Variants in UGCG observed in about 807,000 individuals in gnomAD.
The protein encoded by UGCG is ceramide glucosyltransferase.
In UGCG, 10 loss-of-function variants were observed where a neutral mutation model predicts 49.5. The observed-to-expected ratio is 0.20, with a 90% CI of 0.12 to 0.34. The LOEUF is 0.34. Among genes scored for constraint, UGCG ranks in the 10% least tolerant of loss-of-function variants. UGCG has a pLI of 1.00. For synonymous variants in UGCG, 182 were observed against 158.2 expected (o/e 1.15, Z -1.13); for missense variants, 312 against 483.7 (o/e 0.65, Z 3.33).
chr9:111,932,049 A>T, intron 7 of UGCG, 121 bp from the exon 8 acceptor site: 1 of 1,095,634 alleles, frequency 9.1e-7, no homozygotes, highest in Non-Finnish European at 1.3e-6. Flanking sequence ...AAACAAAAAA[A>T]GTTTAAAGAG....
intron 7 of UGCG, chr9:111,931,951 C>T: frequency 1.8e-6 from 1 of 541,222 alleles, no homozygotes; most frequent in Non-Finnish European, 3.3e-6. Context: ...ATCGCTTGAG[C>T]CTGGGAGATT....
rs565125565 is a variant in UGCG, at chr9:111,925,365, C to T, written c.445+487C>T. ...ATACTGAAATTATAACTTGCATTTT[C>T]GAACACTCATAATAGTTTCAGTGTT... On this transcript the variant is annotated intron_variant, in intron 4 of 8. Transcript: ENST00000374279. Among the ~76,000 whole-genome samples, 39 of 152,288 alleles carry T rather than the reference C, an allele frequency of 2.6e-4. No homozygotes were observed. In the South Asian group the frequency reaches 7.7e-3, roughly 30 times the overall value.
chr9:111,922,250 A>G (rs1221691769), intron 2 of UGCG, among the ~76,000 whole-genome samples: 5 of 152,210 alleles, frequency 3.3e-5, no homozygotes, highest in African/African-American at 4.8e-5. Context: ...GCATTTCAAG[A>G]TCGTAAATGT....
intron 1 of UGCG, among the ~76,000 whole-genome samples, chr9:111,910,542 C>T (rs1297836759): frequency 6.6e-6 from 1 of 152,030 alleles, no homozygotes; most frequent in Non-Finnish European, 1.5e-5. Context: ...TTCTGTATTA[C>T]TTGTCTTTTG....
chr9:111,898,492 A>G (rs1669617782), intron 1 of UGCG, among the ~76,000 whole-genome samples: 1 of 152,108 alleles, frequency 6.6e-6, no homozygotes, highest in Non-Finnish European at 1.5e-5. Context: ...GTACTGAGAA[A>G]GATGATGCTG....
chr9:111,932,221 A>G lies in UGCG; in HGVS notation c.876A>G (p.Pro292=). 2 of 1,614,180 alleles carry G rather than the reference A, an allele frequency of 1.2e-6. No individual in the cohort carries two copies. Among genetic ancestry groups the G allele is most frequent in the Non-Finnish European group, 1.7e-6 (2 of 1,180,020 alleles). Reference sequence around the variant, plus strand: ...TTCCTGCTACAATAATTTGTGAGCCAATTTCAGAATGCTTTGTTGCCAGTT... The same window carrying G: ...TTCCTGCTACAATAATTTGTGAGCCGATTTCAGAATGCTTTGTTGCCAGTT... ...NMLPATIICE[P]ISECFVASLI... The change falls in exon 8 of 9, where the codon CCA becomes CCG. Residue 292 remains proline, a synonymous_variant. Coordinates refer to ENST00000374279, the MANE Select transcript of UGCG (RefSeq NM_003358.3).
chr9:111,927,973 G>A (rs7855347), intron 5 of UGCG, among the ~76,000 whole-genome samples: 16,127 of 152,142 alleles, frequency 0.11, 1,267 homozygotes, highest in East Asian at 0.33. Context: ...TCGTATGTGT[G>A]TCCTATGCTT....
chr9:111,901,372 A>G lies in UGCG; in HGVS notation c.98+4059A>G, dbSNP rs575531060. 2.4e-3 allele frequency among the ~76,000 whole-genome samples: 363 copies of G among 152,298 alleles called. 2 individuals are homozygous for G. Among genetic ancestry groups the G allele is most frequent in the South Asian group, 0.011 (51 of 4,834 alleles). ...GTCTTTTTTGGGTTTAGTCCTGCCAATGCCCTTGGACTGTGGTCAAACGTT... is the reference window on the plus strand; with the variant it reads ...GTCTTTTTTGGGTTTAGTCCTGCCAGTGCCCTTGGACTGTGGTCAAACGTT... On this transcript the variant is annotated intron_variant, in intron 1 of 8. Coordinates refer to ENST00000374279, the MANE Select transcript of UGCG (RefSeq NM_003358.3).
intron 1 of UGCG, among the ~76,000 whole-genome samples, chr9:111,906,378 C>T (rs1328110664): frequency 6.6e-6 from 1 of 152,112 alleles, no homozygotes; most frequent in Non-Finnish European, 1.5e-5. Flanking sequence ...TCTGAGTTCT[C>T]ACCTTCTCTT....
At position 111,924,777 on chromosome 9, in the gene UGCG, G is replaced by A; in HGVS notation, c.344G>A (p.Gly115Asp). 1 of 1,509,848 alleles carries A rather than the reference G, an allele frequency of 6.6e-7. No homozygotes were observed. The highest frequency in any genetic ancestry group is 1.4e-5 in the South Asian group (1 of 70,876). The allele number at this position is 1,509,848 out of a possible 1,614,324, so 93.5% of individuals were successfully genotyped here. ...TACTACTGTACCTTTACATTTTTAG[G>A]TGGCAAAAAAGTTGGCATTAATCCT... The part of the protein sequence containing the change: ...YPNVDARLFI[G>D]GKKVGINPKI... Residue 115 changes from glycine (G) to aspartate (D), a missense_variant and splice_region_variant, in exon 4 of 9, where the codon GGT becomes GAT. Coordinates refer to ENST00000374279, the MANE Select transcript of UGCG (RefSeq NM_003358.3).
At chr9:111,903,658 C>T (rs552216435) in intron 1 of UGCG, among the ~76,000 whole-genome samples, 48 of 152,212 alleles carry the variant, frequency 3.2e-4, no homozygotes, top group African/African-American at 9.1e-4. Flanking sequence ...TGCAGTAGTG[C>T]GATCATGGCT....
At chr9:111,916,123 G>C (rs1030418750) in intron 2 of UGCG, among the ~76,000 whole-genome samples, 5 of 151,944 alleles carry the variant, frequency 3.3e-5, no homozygotes, top group African/African-American at 1.2e-4. Flanking sequence ...AATTGAGAAA[G>C]ATATAAATAA....
intron 3 of UGCG, among the ~76,000 whole-genome samples, chr9:111,923,966 A>G (rs1401665605): frequency 6.6e-6 from 1 of 151,886 alleles, no homozygotes; most frequent in Non-Finnish European, 1.5e-5. Flanking sequence ...ATTTTTTTGT[A>G]TTTTTAATAG....
At chr9:111,932,578 C>G (rs17798946) in intron 8 of UGCG, among the ~76,000 whole-genome samples, 2,803 of 152,116 alleles carry the variant, frequency 0.018, 37 homozygotes, top group Non-Finnish European at 0.029. Flanking sequence ...ATTAAGTTTC[C>G]AAAAACATGA....
intron 1 of UGCG, among the ~76,000 whole-genome samples, chr9:111,902,852 AC>A (rs1837804155): frequency 6.6e-6 from 1 of 150,560 alleles, no homozygotes; most frequent in South Asian, 2.1e-4. Context: ...ATCTCGGCTT[AC>A]TGCAACCTCC....
Position 111,932,852 on chromosome 9 carries a change from T to G in UGCG, c.1040T>G (p.Leu347Arg). ...GGTGGCACACTGTGTTTTTCAAAAC[T>G]TGATTATGCAGTCGCCTGGTTCATC... ...VQGGTLCFSK[L>R]DYAVAWFIRE... Residue 347 changes from leucine to arginine, a missense_variant, in exon 9 of 9, where the codon CTT (leucine) becomes CGT (arginine). Physicochemically the swap from Leu to Arg is moderately radical, Grantham distance 102. Transcript: ENST00000374279. The G allele has an allele frequency of 6.2e-7, 1 of 1,603,824 alleles. No individual in the cohort carries two copies. The highest frequency in any genetic ancestry group is 8.5e-7 in the Non-Finnish European group (1 of 1,175,018).
chr9:111,914,265 A>ATT (rs1214298324), intron 1 of UGCG, among the ~76,000 whole-genome samples: 1 of 152,170 alleles, frequency 6.6e-6, no homozygotes, highest in Non-Finnish European at 1.5e-5. Flanking sequence ...AGAGAGTAGT[A>ATT]CATCATGGGT....
rs1056065490 is a variant in UGCG at position 111,934,303 on chromosome 9, C to A, written c.*1306C>A. 6.6e-6 allele frequency: 1 copy of A among 151,564 alleles called. No individual in the cohort carries two copies. Among genetic ancestry groups the A allele is most frequent in the Non-Finnish European group, 1.5e-5 (1 of 67,940 alleles). The allele number at this position is 151,564 out of a possible 1,614,324, so 9.4% of individuals were successfully genotyped here. A position where few individuals can be genotyped will look rare whatever the true frequency, so the allele number is the denominator to read the frequency against. On this transcript the variant is annotated 3_prime_UTR_variant, in exon 9 of 9. Coordinates refer to ENST00000374279, the MANE Select transcript of UGCG (RefSeq NM_003358.3). Reference sequence around the variant, plus strand: ...CCATCATGCCGCTAAACTTGCTCGCCAGGTTGTGCTTAACTTGTGGTGAAC... The same window carrying A: ...CCATCATGCCGCTAAACTTGCTCGCAAGGTTGTGCTTAACTTGTGGTGAAC...
At chr9:111,930,874 A>T (rs1324929968) in intron 6 of UGCG, among the ~76,000 whole-genome samples, 3 of 152,226 alleles carry the variant, frequency 2.0e-5, no homozygotes, top group African/African-American at 7.2e-5. Context: ...GATTGTGTTC[A>T]TGTGGTTCAT....
Sources: gnomAD v4.1 joint callset for allele counts (sites outside exome capture counted in the v4.1 genomes callset) on GRCh38, gnomAD v4.1.1 for gene constraint, MANE v1.5 for transcripts, NCBI Gene and HGNC (gene_info 2026-07-23, HGNC 2026-07-21) for gene names.